LARS1: variants seen among roughly 807,000 people sequenced by gnomAD.
The protein encoded by LARS1 is leucyl-tRNA synthetase 1, also known as leucine--tRNA ligase, cytoplasmic.
A neutral mutation model predicts 162.8 loss-of-function variants in LARS1; 100 were observed. That is an observed-to-expected ratio of 0.61 (90% confidence interval 0.52 to 0.73). The LOEUF is 0.73. Ranked by LOEUF, LARS1 falls within the 30% of genes least tolerant of loss-of-function variation. LARS1 has a pLI of 0.00. For synonymous variants in LARS1, 457 were observed against 462.8 expected (o/e 0.99, Z 0.16); for missense variants, 1,258 against 1,408.9 (o/e 0.89, Z 1.71).
At chr5:146,143,302 T>C in intron 19 of LARS1, 110 bp downstream of exon 19, 11 of 1,417,212 alleles carry the variant, frequency 7.8e-6, no homozygotes, top group African/African-American at 2.8e-5. Flanking sequence ...AGCAAAAATA[T>C]CATGACAAAA....
At chr5:146,156,855 T>C (rs1022411512) in intron 10 of LARS1, among the ~76,000 whole-genome samples, 1 of 151,318 alleles carries the variant, frequency 6.6e-6, no homozygotes, top group Admixed American at 6.6e-5. Context: ...TAAAATAATA[T>C]AATGACTAAT....
chr5:146,162,109 T>A (rs1287080679), intron 6 of LARS1, among the ~76,000 whole-genome samples: 2 of 152,264 alleles, frequency 1.3e-5, no homozygotes, highest in Non-Finnish European at 2.9e-5. Context: ...CTCCTGTTAA[T>A]GTTGATATTT....
At chr5:146,122,205 A>C (rs1751854443) in intron 30 of LARS1, among the ~76,000 whole-genome samples, 1 of 152,116 alleles carries the variant, frequency 6.6e-6, no homozygotes, top group South Asian at 2.1e-4. Context: ...TTAAATAAAA[A>C]CCAGATTTTG....
chr5:146,140,233 T>C lies in LARS1; in HGVS notation c.2119A>G (p.Asn707Asp). Reference protein sequence around the residue: ...SDKWPTAVRANGHLLLNSEKM... With the variant: ...SDKWPTAVRADGHLLLNSEKM... ...TCAGAGTTCAGGAGGAGATGTCCATTTGCTCTCACAGCTGTAGGCCATTTG... is the reference window on the plus strand; with the variant it reads ...TCAGAGTTCAGGAGGAGATGTCCATCTGCTCTCACAGCTGTAGGCCATTTG... Residue 707 changes from asparagine to aspartate, a missense_variant, in exon 21 of 32, where the codon AAT (asparagine) becomes GAT (aspartate). Transcript: ENST00000394434. 1 of 1,612,234 alleles carries C rather than the reference T, an allele frequency of 6.2e-7. No individual in the cohort carries two copies. Among genetic ancestry groups the C allele is most frequent in the Non-Finnish European group, 8.5e-7 (1 of 1,178,234 alleles).
intron 30 of LARS1, 131 bp from the exon 31 acceptor site, chr5:146,120,634 C>T (rs1002042468): frequency 8.0e-6 from 7 of 871,598 alleles, no homozygotes; most frequent in African/African-American, 5.2e-5. Context: ...CTAAGGAGTA[C>T]TCAAATATGA....
chr5:146,139,866 C>A (rs144662014), intron 21 of LARS1, among the ~76,000 whole-genome samples: 2 of 110,148 alleles, frequency 1.8e-5, no homozygotes, highest in Non-Finnish European at 3.6e-5. Context: ...CAGCGAGACT[C>A]CGTCTCAAAA....
chr5:146,153,317 T>A, intron 12 of LARS1, 90 bp from the exon 13 acceptor site: 1 of 934,762 alleles, frequency 1.1e-6, no homozygotes, highest in Non-Finnish European at 1.7e-6. Flanking sequence ...TCTTAAAAGT[T>A]TCTTTAAAGT....
chr5:146,115,646 C>A (rs576480213), intron 31 of LARS1, among the ~76,000 whole-genome samples: 2 of 141,096 alleles, frequency 1.4e-5, no homozygotes, highest in Non-Finnish European at 3.1e-5. Context: ...AGTCAACAAT[C>A]CTGCCAACAA....
chr5:146,181,430 C>T (rs934595455), intron 1 of LARS1, among the ~76,000 whole-genome samples: 1 of 152,018 alleles, frequency 6.6e-6, no homozygotes, highest in Non-Finnish European at 1.5e-5. Context: ...AGTCCCAGCA[C>T]TTTCGGAGGC....
chr5:146,120,617 A>G, intron 30 of LARS1, 114 bp from the exon 31 acceptor site: 1 of 1,051,418 alleles, frequency 9.5e-7, no homozygotes, highest in Non-Finnish European at 1.4e-6. Context: ...GTATTTTAAA[A>G]TCATGACTAA....
rs2963919 is a variant in LARS1 at position 146,135,816 on chromosome 5, C to T, written c.2149-152G>A. The T allele has an allele frequency of 0.66, 368,080 of 559,954 alleles. 122,664 individuals are homozygous for T. The highest frequency in any genetic ancestry group is 0.78 in the South Asian group (31,870 of 40,976). The allele number at this position is 559,954 out of a possible 1,614,324, so 34.7% of individuals were successfully genotyped here. ...AAAAGATATTACACTAATTTTAGAGCGGTGAAAACTGAATTTCATCCGATA... is the reference window on the plus strand; with the variant it reads ...AAAAGATATTACACTAATTTTAGAGTGGTGAAAACTGAATTTCATCCGATA... On this transcript the variant is annotated intron_variant, in intron 21 of 31. Coordinates refer to ENST00000394434, the MANE Select transcript of LARS1 (RefSeq NM_020117.11).
chr5:146,133,155 T>A, intron 22 of LARS1, 74 bp from the exon 23 acceptor site: 2 of 1,260,558 alleles, frequency 1.6e-6, no homozygotes, highest in Non-Finnish European at 2.2e-6. Context: ...ATGTGTCCAG[T>A]TGGATACCTT....
At chr5:146,159,813 T>A (rs965233744) in intron 7 of LARS1, among the ~76,000 whole-genome samples, 1 of 151,418 alleles carries the variant, frequency 6.6e-6, no homozygotes, top group Non-Finnish European at 1.5e-5. Context: ...TTTTCATTTC[T>A]TAAGTTATCT....
At chr5:146,123,482 C>T (rs761113953) in intron 29 of LARS1, among the ~76,000 whole-genome samples, 19 of 151,786 alleles carry the variant, frequency 1.3e-4, no homozygotes, top group South Asian at 4.1e-4. Context: ...GAAAAAAACA[C>T]GGCAAGACAT....
chr5:146,174,447 A>AAT (rs375382282), intron 2 of LARS1, among the ~76,000 whole-genome samples: 3 of 110,458 alleles, frequency 2.7e-5, no homozygotes, highest in African/African-American at 8.7e-5. Context: ...CTCTGTCTCA[A>AAT]ATATATATAT....
intron 23 of LARS1, 195 bp from the exon 24 acceptor site, chr5:146,131,304 T>C (rs1581019335): frequency 5.0e-6 from 2 of 397,752 alleles, no homozygotes; most frequent in Non-Finnish European, 4.5e-6. Context: ...TTTGCGTTCC[T>C]TAAAACAAAT....
intron 23 of LARS1, chr5:146,131,720 G>T (rs942523342): frequency 6.6e-6 from 1 of 152,320 alleles, no homozygotes; most frequent in African/African-American, 2.4e-5. Context: ...CAAACTCCTG[G>T]GCTCAAGCAA....
At chr5:146,169,930 A>T (rs996991825) in intron 4 of LARS1, among the ~76,000 whole-genome samples, 2 of 152,190 alleles carry the variant, frequency 1.3e-5, no homozygotes, top group Non-Finnish European at 2.9e-5. Flanking sequence ...ACTAAATGGG[A>T]CAAATTACCA....
intron 4 of LARS1, among the ~76,000 whole-genome samples, 159 bp from the exon 5 acceptor site, chr5:146,168,424 G>A (rs892994334): frequency 6.6e-6 from 1 of 152,222 alleles, no homozygotes; most frequent in African/African-American, 2.4e-5. Flanking sequence ...GAGGCTGGGA[G>A]CAGTGGCTCA....
Sources: allele counts gnomAD v4.1 joint callset (sites outside exome capture counted in the v4.1 genomes callset), GRCh38; gene constraint gnomAD v4.1.1; transcripts MANE v1.5; gene names NCBI Gene and HGNC (gene_info 2026-07-23, HGNC 2026-07-21).